Variants in F11 observed in about 807,000 individuals in gnomAD.
The protein encoded by F11 is coagulation factor XI.
F11 carries 78 observed loss-of-function variants against 76.5 expected under a neutral mutation model. The ratio of observed to expected loss-of-function variants is 1.02; its 90% CI spans 0.85 to 1.23. F11 has a LOEUF of 1.23. F11 is among the 50% of genes most tolerant of loss of function. The pLI is 0.00. For synonymous variants in F11, 278 were observed against 276.3 expected, an observed-to-expected ratio of 1.01 and a Z score of -0.06; for missense variants, 742 against 771.4, an observed-to-expected ratio of 0.96 and a Z score of 0.45.
chr4:186,288,724 C>A lies in F11; in HGVS notation c.*110C>A. 8.1e-7 allele frequency: 1 copy of A among 1,236,242 alleles called. No homozygotes were observed. The highest frequency in any genetic ancestry group is 1.2e-6 in the Non-Finnish European group (1 of 862,686). 76.6% of individuals were successfully genotyped at this position (1,236,242 alleles called of 1,614,324 possible). A position where few individuals can be genotyped will look rare whatever the true frequency, so the allele number is the denominator to read the frequency against. The stretch of plus-strand genomic sequence containing the variant: ...CCTCCACAGTAACACGCTGAAGGGG[C>A]TTGGTGTTTGTAAGAAAATGCTAGA... On this transcript the variant is annotated 3_prime_UTR_variant, in exon 15 of 15. Transcript: ENST00000403665.
At chr4:186,271,031 T>C (rs1739915103) in intron 2 of F11, among the ~76,000 whole-genome samples, 1 of 152,132 alleles carries the variant, frequency 6.6e-6, no homozygotes, top group Admixed American at 6.5e-5. Context: ...AGAACATTTA[T>C]TTGATTCATC....
chr4:186,268,088 G>A (rs143974747), intron 2 of F11, among the ~76,000 whole-genome samples: 3 of 152,132 alleles, frequency 2.0e-5, no homozygotes, highest in Admixed American at 2.0e-4. Context: ...AATTGACCCT[G>A]AATCAGGGGT....
downstream of F11, among the ~76,000 whole-genome samples, chr4:186,289,756 C>T (rs1452828870): frequency 6.8e-6 from 1 of 148,128 alleles, no homozygotes; most frequent in African/African-American, 2.5e-5. Flanking sequence ...GATCTCGGCT[C>T]ACTGTAAACT....
intron 7 of F11, among the ~76,000 whole-genome samples, chr4:186,279,341 C>T (rs897108151): frequency 6.6e-6 from 1 of 151,530 alleles, no homozygotes; most frequent in Non-Finnish European, 1.5e-5. Flanking sequence ...AAGATCGCGA[C>T]ACTGCACTCC....
intron 10 of F11, chr4:186,283,085 A>T: frequency 1.0e-6 from 1 of 964,022 alleles, no homozygotes; most frequent in Non-Finnish European, 1.2e-6. Context: ...CAGCACATTG[A>T]CATCACCTGG....
At chr4:186,273,434 C>T (rs535237800) in intron 4 of F11, among the ~76,000 whole-genome samples, 2 of 152,094 alleles carry the variant, frequency 1.3e-5, no homozygotes, top group African/African-American at 2.4e-5. Context: ...TTTCTATTTC[C>T]CAGCCTAAAA....
chr4:186,285,389 G>T (rs1018315337), intron 11 of F11, among the ~76,000 whole-genome samples: 4 of 151,082 alleles, frequency 2.6e-5, no homozygotes, highest in Admixed American at 6.6e-5. Context: ...TGCGTGTGCG[G>T]GTGTGTGCGT....
In F11 at chr4:186,276,310, C is replaced by T; in HGVS notation, c.675C>T (p.Val225=). 1 of 1,614,108 alleles carries T rather than the reference C, an allele frequency of 6.2e-7. No homozygotes were observed. The highest frequency in any genetic ancestry group is 8.5e-7 in the Non-Finnish European group (1 of 1,180,030). The change falls in exon 7 of 15, where the codon GTC becomes GTT. Residue 225 remains valine (V), a synonymous_variant. Coordinates refer to ENST00000403665, the MANE Select transcript of F11 (RefSeq NM_000128.4). ...IDSVMAPDAF[V]CGRICTHHPG... is the part of the protein sequence containing the mutation. The stretch of plus-strand genomic sequence containing the variant: ...GTGTCATGGCTCCCGATGCTTTTGT[C>T]TGTGGCCGAATCTGCACTCATCATC...
At chr4:186,277,138 A>G (rs1005366426) in intron 7 of F11, among the ~76,000 whole-genome samples, 8 of 152,166 alleles carry the variant, frequency 5.3e-5, no homozygotes, top group Admixed American at 3.9e-4. Flanking sequence ...CTCCCACTTA[A>G]AAGTGAGAAT....
downstream of F11, among the ~76,000 whole-genome samples, chr4:186,290,416 G>A (rs892921657): frequency 3.3e-5 from 5 of 152,190 alleles, no homozygotes; most frequent in African/African-American, 1.2e-4. Flanking sequence ...GAAAATCAGA[G>A]TGCGTTCAAG....
chr4:186,271,945 A>G (rs1226068933), intron 3 of F11, among the ~76,000 whole-genome samples, 174 bp downstream of exon 3: 1 of 152,206 alleles, frequency 6.6e-6, no homozygotes, highest in African/African-American at 2.4e-5. Context: ...CAATTTAGAA[A>G]AGAATAAATA....
intron 3 of F11, 32 bp from the exon 4 acceptor site, chr4:186,273,039 T>A (rs1484250968): frequency 1.3e-5 from 18 of 1,367,848 alleles, no homozygotes; most frequent in Non-Finnish European, 1.8e-5. Flanking sequence ...CATAAATTCC[T>A]ATTCATTAAT....
intron 10 of F11, chr4:186,283,245 G>A (rs1457804375): frequency 6.8e-6 from 1 of 146,842 alleles, no homozygotes; most frequent in Admixed American, 6.8e-5. Flanking sequence ...GCGTGTGTTT[G>A]TGTGCACGTG....
chr4:186,286,207 G>T, intron 12 of F11: 1 of 567,828 alleles, frequency 1.8e-6, no homozygotes, highest in Non-Finnish European at 3.2e-6. Flanking sequence ...TAGCGGTGAG[G>T]GTGAGGCTTG....
At chr4:186,285,524 A>G (rs1480357085) in intron 11 of F11, 114 bp from the exon 12 acceptor site, 4 of 1,091,022 alleles carry the variant, frequency 3.7e-6, no homozygotes, top group African/African-American at 3.1e-5. Context: ...TTCTACCTAA[A>G]TGTCCATCAT....
At chr4:186,273,747 T>G (rs1740157212) in intron 4 of F11, among the ~76,000 whole-genome samples, 1 of 152,182 alleles carries the variant, frequency 6.6e-6, no homozygotes. Flanking sequence ...CAGTCGAAAT[T>G]CTTTATTAAA....
rs745676784 is a variant in F11 at position 186,288,801 on chromosome 4, G to A, written c.*187G>A. The A allele has an allele frequency of 6.0e-5, 39 of 646,188 alleles. No homozygotes were observed. Among genetic ancestry groups the A allele is most frequent in the East Asian group, 3.0e-5 (1 of 33,764 alleles). 40.0% of individuals were successfully genotyped at this position (646,188 alleles called of 1,614,324 possible). ...TGTCCAAAACTCCCGTTCTATGATC[G>A]TTGTAGTTTGTTTGAGCATTCAGTC... On this transcript the variant is annotated 3_prime_UTR_variant, in exon 15 of 15. Coordinates refer to ENST00000403665, the MANE Select transcript of F11 (RefSeq NM_000128.4).
At chr4:186,286,391 TA>T in intron 12 of F11, 23 bp from the exon 13 acceptor site, 1 of 1,604,540 alleles carries the variant, frequency 6.2e-7, no homozygotes, top group Non-Finnish European at 8.5e-7. Context: ...GTCTCATATT[TA>T]AACCACGATT....
In F11 at chr4:186,274,288, C is replaced by T; in HGVS notation, c.485+13C>T. 1.9e-6 allele frequency: 3 copies of T among 1,614,156 alleles called. No individual in the cohort carries two copies. The highest frequency in any genetic ancestry group is 2.5e-6 in the Non-Finnish European group (3 of 1,180,032). On this transcript the variant is annotated intron_variant, in intron 5 of 14. Transcript: ENST00000403665. The stretch of plus-strand genomic sequence containing the variant: ...GCCTGGAGCATCGGTGAGTGAGTCC[C>T]AGGACATTCGAGTGGTCGATGAAAA...
Sources: gnomAD v4.1 joint callset for allele counts (sites outside exome capture counted in the v4.1 genomes callset) on GRCh38, gnomAD v4.1.1 for gene constraint, MANE v1.5 for transcripts, NCBI Gene and HGNC (gene_info 2026-07-23, HGNC 2026-07-21) for gene names.